KIF26B: variants seen among roughly 807,000 people sequenced by gnomAD.
KIF26B encodes the protein kinesin family member 26B, also known as kinesin-like protein KIF26B.
Under a neutral mutation model 151.2 loss-of-function variants are expected in KIF26B, and 63 were observed. The ratio of observed to expected loss-of-function variants is 0.42; its 90% CI spans 0.34 to 0.51. KIF26B has a LOEUF of 0.51. Among genes scored for constraint, KIF26B ranks in the 20% least tolerant of loss-of-function variants. KIF26B has a pLI of 0.07. For synonymous variants in KIF26B, 1,357 were observed against 1,262.1 expected (o/e 1.08, Z -1.59); for missense variants, 2,813 against 2,913.6 (o/e 0.97, Z 0.79).
At chr1:245,191,575 C>T (rs1000193876) in intron 2 of KIF26B, among the ~76,000 whole-genome samples, 1 of 152,008 alleles carries the variant, frequency 6.6e-6, no homozygotes, top group African/African-American at 2.4e-5. Flanking sequence ...GAAGGTATCA[C>T]AAGAGAAAAT....
chr1:245,291,408 G>T (rs1254081034), intron 2 of KIF26B, among the ~76,000 whole-genome samples: 5 of 152,194 alleles, frequency 3.3e-5, no homozygotes, highest in Admixed American at 2.6e-4. Flanking sequence ...TTCCAAAGAA[G>T]ATAAAATTTC....
chr1:245,513,643 T>C lies in KIF26B; in HGVS notation c.1167-27124T>C, dbSNP rs577223007. On this transcript the variant is annotated intron_variant, in intron 4 of 14. Transcript: ENST00000407071. The stretch of plus-strand genomic sequence containing the variant: ...GCTCAACGATCCCACTATGCTGGTA[T>C]GTTCTCTCTCTGGACAGCCGTCTTT... Among the ~76,000 whole-genome samples the C allele has an allele frequency of 4.6e-5, 7 of 152,346 alleles. No individual in the cohort carries two copies. The South Asian group carries it at 1.0e-3, about 23-fold the overall frequency.
Position 245,698,304 on chromosome 1 carries a change from G to A in KIF26B, c.6023G>A (p.Ser2008Asn), listed in dbSNP as rs763248554. 4.3e-6 allele frequency: 7 copies of A among 1,612,502 alleles called. No individual in the cohort carries two copies. In the East Asian group the frequency reaches 1.3e-4, roughly 31 times the overall value. Residue 2008 changes from serine to asparagine, a missense_variant, in exon 13 of 15, where the codon AGC (serine) becomes AAC (asparagine). Ser to Asn is a conservative substitution (Grantham distance 46). Transcript: ENST00000407071. The surrounding 1 kb of genome is among the most constrained non-coding windows in gnomAD (Gnocchi z 4.0). ...CTGCAGCGGCGACGAGGGGGTGCCAGCAAGGTGAGGCAGCCTCCTTCCCAC... is the reference window on the plus strand; with the variant it reads ...CTGCAGCGGCGACGAGGGGGTGCCAACAAGGTGAGGCAGCCTCCTTCCCAC... ...ERLQRRRGGA[S>N]KEAMCFNAKL...
chr1:245,702,526 CGCCTGGAGA>C lies in KIF26B; in HGVS notation c.6251_6259del (p.Leu2084_Ser2086del). The C allele has an allele frequency of 6.2e-7, 1 of 1,613,878 alleles. No homozygotes were observed. The highest frequency in any genetic ancestry group is 8.5e-7 in the Non-Finnish European group (1 of 1,179,850). On this transcript the variant is annotated inframe_deletion, in exon 15 of 15. Transcript: ENST00000407071. This position sits in a 1 kb window ranked among gnomAD's most constrained non-coding sequence, Gnocchi z 4.1. ...GGAGGCACTGGAGTGTGTGACGGAG[CGCCTGGAGA>C]GCCGTGTCAACTTCTGCAAGGCCCA...
intron 2 of KIF26B, among the ~76,000 whole-genome samples, chr1:245,250,118 G>A (rs975717137): frequency 3.9e-5 from 6 of 152,066 alleles, no homozygotes; most frequent in South Asian, 4.1e-4. Context: ...TTTTTTAATA[G>A]AAACATTATT....
intron 2 of KIF26B, among the ~76,000 whole-genome samples, chr1:245,265,421 A>G (rs188012824): frequency 8.5e-5 from 13 of 152,236 alleles, no homozygotes; most frequent in Admixed American, 3.3e-4. Context: ...TAGTGCTGAG[A>G]CAACTTAAAA....
In KIF26B at chr1:245,303,275, T is replaced by C. The variant is rs545660011; in HGVS notation, c.466-63559T>C. On this transcript the variant is annotated intron_variant, in intron 2 of 14. Transcript: ENST00000407071. ...GTGCAGTGGCGCGATCTCGGCTCACTGCAAGCTCCGCCTCCCGGGTTCACG... is the reference window on the plus strand; with the variant it reads ...GTGCAGTGGCGCGATCTCGGCTCACCGCAAGCTCCGCCTCCCGGGTTCACG... Among the ~76,000 whole-genome samples the C allele has an allele frequency of 2.1e-5, 3 of 143,566 alleles. 1 individual carries two copies. The highest frequency in any genetic ancestry group is 5.2e-5 in the African/African-American group (2 of 38,510). 94.2% of individuals were successfully genotyped at this position (143,566 alleles called of 152,430 possible).
intron 4 of KIF26B, among the ~76,000 whole-genome samples, chr1:245,507,212 T>G (rs1432975018): frequency 6.6e-6 from 1 of 152,136 alleles, no homozygotes; most frequent in African/African-American, 2.4e-5. Flanking sequence ...TTGCTGGTAA[T>G]AAGTCTGGAA....
chr1:245,245,963 A>T (rs1241242844), intron 2 of KIF26B, among the ~76,000 whole-genome samples: 1 of 148,906 alleles, frequency 6.7e-6, no homozygotes, highest in Non-Finnish European at 1.5e-5. Flanking sequence ...ATGATGGCAG[A>T]TGCTTGTAGT....
At chr1:245,182,449 A>AT (rs1162849981) in intron 2 of KIF26B, among the ~76,000 whole-genome samples, 4 of 152,136 alleles carry the variant, frequency 2.6e-5, no homozygotes, top group African/African-American at 9.7e-5. Flanking sequence ...GTATAAACAT[A>AT]CCACATGCTG....
At chr1:245,399,893 G>A (rs1335698516) in intron 3 of KIF26B, among the ~76,000 whole-genome samples, 1 of 152,142 alleles carries the variant, frequency 6.6e-6, no homozygotes, top group Admixed American at 6.6e-5. Flanking sequence ...TTTAATCACA[G>A]AGAAGCTGAA....
At position 245,703,880 on chromosome 1, in the gene KIF26B, T is replaced by G. The variant is rs2044806590; in HGVS notation, c.*1274T>G. ...AGGGACAGGCTTGTCCTCTCAGTCT[T>G]TGCTCCTGCCCAAAGGCAGAGAGAG... On this transcript the variant is annotated 3_prime_UTR_variant, in exon 15 of 15. Transcript: ENST00000407071. The G allele has an allele frequency of 6.6e-6, 1 of 152,192 alleles. No homozygotes were observed. The highest frequency in any genetic ancestry group is 2.1e-4 in the South Asian group (1 of 4,830). The allele number at this position is 152,192 out of a possible 1,614,324, so 9.4% of individuals were successfully genotyped here.
At chr1:245,199,321 C>T (rs1316563028) in intron 2 of KIF26B, among the ~76,000 whole-genome samples, 2 of 152,114 alleles carry the variant, frequency 1.3e-5, no homozygotes, top group Non-Finnish European at 2.9e-5. Flanking sequence ...TCCTCCCTCC[C>T]TCCTCCCTTC....
intron 4 of KIF26B, among the ~76,000 whole-genome samples, chr1:245,479,359 G>C (rs1228377600): frequency 6.6e-6 from 1 of 151,902 alleles, no homozygotes; most frequent in African/African-American, 2.4e-5. Flanking sequence ...ACCTGGTTGA[G>C]CTATAGGCAC....
In KIF26B at chr1:245,469,677, T is replaced by C. The variant is rs1313692007; in HGVS notation, c.1166+49932T>C. On this transcript the variant is annotated intron_variant, in intron 4 of 14. Coordinates refer to ENST00000407071, the MANE Select transcript of KIF26B (RefSeq NM_018012.4). Reference sequence around the variant, plus strand: ...AGTGGCTTTTGTATCACCCAAACCTTTTAAAAACTGCCACACAAACTGATA... The same window carrying C: ...AGTGGCTTTTGTATCACCCAAACCTCTTAAAAACTGCCACACAAACTGATA... 2.6e-5 allele frequency among the ~76,000 whole-genome samples: 4 copies of C among 152,150 alleles called. No individual in the cohort carries two copies. In the East Asian group the frequency reaches 7.7e-4, roughly 29 times the overall value.
In KIF26B at chr1:245,540,905, G is replaced by C; in HGVS notation, c.1305G>C (p.Leu435=). The change falls in exon 5 of 15, where the codon CTG becomes CTC. Residue 435 remains leucine, a synonymous_variant. Coordinates refer to ENST00000407071, the MANE Select transcript of KIF26B (RefSeq NM_018012.4). The surrounding 1 kb of genome is among the most constrained non-coding windows in gnomAD (Gnocchi z 4.6). ...QTSPPPAPPC[L]LRAVNKVKDT... is the part of the protein sequence containing the mutation. The stretch of plus-strand genomic sequence containing the variant: ...CCCCTCCCCCAGCCCCACCCTGCCT[G>C]CTGAGGGCTGTCAACAAGGTGAAGG... 1 of 1,613,934 alleles carries C rather than the reference G, an allele frequency of 6.2e-7. No homozygotes were observed. Among genetic ancestry groups the C allele is most frequent in the Non-Finnish European group, 8.5e-7 (1 of 1,179,850 alleles).
intron 9 of KIF26B, among the ~76,000 whole-genome samples, chr1:245,635,544 G>T (rs894223795): frequency 3.3e-5 from 5 of 151,800 alleles, no homozygotes; most frequent in Non-Finnish European, 5.9e-5. Flanking sequence ...TACAAATTTT[G>T]TTGATCTTCT....
chr1:245,531,855 G>C (rs1343920538), intron 4 of KIF26B, among the ~76,000 whole-genome samples: 1 of 152,186 alleles, frequency 6.6e-6, no homozygotes, highest in Non-Finnish European at 1.5e-5. Context: ...CCTGCACTTT[G>C]GGAGGCTGAG....
At chr1:245,187,803 A>G (rs1432638613) in intron 2 of KIF26B, among the ~76,000 whole-genome samples, 1 of 152,238 alleles carries the variant, frequency 6.6e-6, no homozygotes, top group East Asian at 1.9e-4. Flanking sequence ...CATTTATTAG[A>G]CACATGATAG....
Sources: allele counts gnomAD v4.1 joint callset (sites outside exome capture counted in the v4.1 genomes callset), GRCh38; gene constraint gnomAD v4.1.1; non-coding constraint Gnocchi (gnomAD v3.1); transcripts MANE v1.5; gene names NCBI Gene and HGNC (gene_info 2026-07-23, HGNC 2026-07-21).